The following KLRF1 variants were observed in gnomAD, a reference collection of about 807,000 sequenced individuals.
The protein encoded by KLRF1 is killer cell lectin-like receptor subfamily F member 1.
KLRF1 carries 27 observed loss-of-function variants against 30.7 expected under a neutral mutation model. That is an observed-to-expected ratio of 0.88 (90% confidence interval 0.65 to 1.21). KLRF1 has a LOEUF of 1.21. KLRF1 is among the 50% of genes most tolerant of loss of function. KLRF1 has a pLI of 0.00. For missense variants in KLRF1, 246 were observed against 259.3 expected, an observed-to-expected ratio of 0.95 and a Z score of 0.35; for synonymous variants, 92 against 89.3, an observed-to-expected ratio of 1.03 and a Z score of -0.17.
Position 9,837,729 on chromosome 12 carries a change from A to G in KLRF1, c.335-4083A>G, listed in dbSNP as rs1205647335. ...TTACAAACATCGTTTGGTAGCCTCA[A>G]GGCAGATATCTAAGTCTTCTTTACT... is the stretch of plus-strand genomic sequence containing the variant. On this transcript the variant is annotated intron_variant, in intron 3 of 5. Coordinates refer to ENST00000617889, the MANE Select transcript of KLRF1 (RefSeq NM_016523.3). 3.9e-5 allele frequency among the ~76,000 whole-genome samples: 6 copies of G among 152,182 alleles called. No individual in the cohort carries two copies. The South Asian group carries it at 8.3e-4, about 21-fold the overall frequency.
the KLRF1 span, among the ~76,000 whole-genome samples, chr12:9,814,155 C>G: frequency 6.6e-6 from 1 of 152,140 alleles, no homozygotes; most frequent in Non-Finnish European, 1.5e-5. Flanking sequence ...TGTTCTACAC[C>G]CCGGGGGAAT....
the KLRF1 span, among the ~76,000 whole-genome samples, chr12:9,807,135 GA>G: frequency 6.6e-6 from 1 of 151,854 alleles, no homozygotes; most frequent in African/African-American, 2.4e-5. Flanking sequence ...TAACTTATAA[GA>G]ATCTATTTGA....
the KLRF1 span, among the ~76,000 whole-genome samples, chr12:9,819,617 A>G: frequency 5.3e-5 from 8 of 152,036 alleles, no homozygotes; most frequent in Non-Finnish European, 8.8e-5. Flanking sequence ...CCACCTCCAC[A>G]AGTGTTTTTG....
chr12:9,840,932 C>T (rs1227165597), intron 3 of KLRF1, among the ~76,000 whole-genome samples: 2 of 152,064 alleles, frequency 1.3e-5, no homozygotes, highest in African/African-American at 2.4e-5. Flanking sequence ...CCTTCAACCC[C>T]GCAATCCCAT....
intron 2 of KLRF1, 21 bp from the exon 3 acceptor site, chr12:9,833,282 T>G: frequency 6.4e-7 from 1 of 1,554,412 alleles, no homozygotes; most frequent in Non-Finnish European, 8.7e-7. Flanking sequence ...TACCTAACCT[T>G]AAAATAGTCC....
At chr12:9,821,228 C>A in the KLRF1 span, among the ~76,000 whole-genome samples, 2 of 152,088 alleles carry the variant, frequency 1.3e-5, no homozygotes, top group East Asian at 1.9e-4. Context: ...CTCATGCCAG[C>A]AATGCAGCTG....
At chr12:9,814,533 C>T in the KLRF1 span, among the ~76,000 whole-genome samples, 3 of 152,326 alleles carry the variant, frequency 2.0e-5, no homozygotes, top group Non-Finnish European at 4.4e-5. Flanking sequence ...CCTGTCCCAC[C>T]CGTAGCTCCG....
intron 3 of KLRF1, among the ~76,000 whole-genome samples, chr12:9,836,582 T>C (rs1264285713): frequency 6.6e-6 from 1 of 152,168 alleles, no homozygotes; most frequent in Non-Finnish European, 1.5e-5. Context: ...TGAGATGATA[T>C]ATTATGACTT....
chr12:9,820,622 G>C, the KLRF1 span, among the ~76,000 whole-genome samples: 1 of 152,128 alleles, frequency 6.6e-6, no homozygotes, highest in African/African-American at 2.4e-5. Context: ...CCACACACAT[G>C]CTGGACCTCA....
the KLRF1 span, among the ~76,000 whole-genome samples, chr12:9,808,902 A>G: frequency 6.6e-6 from 1 of 152,172 alleles, no homozygotes; most frequent in East Asian, 1.9e-4. Flanking sequence ...ACATGAAAGC[A>G]GTGCTACCTC....
At chr12:9,832,980 G>A (rs1867476696) in intron 2 of KLRF1, among the ~76,000 whole-genome samples, 1 of 152,002 alleles carries the variant, frequency 6.6e-6, no homozygotes, top group South Asian at 2.1e-4. Flanking sequence ...CAGTGTTGGA[G>A]GCTGCAGAAA....
At chr12:9,836,343 C>T (rs1223834067) in intron 3 of KLRF1, among the ~76,000 whole-genome samples, 2 of 152,016 alleles carry the variant, frequency 1.3e-5, no homozygotes, top group Non-Finnish European at 2.9e-5. Context: ...CTTATAAATG[C>T]CCTACTCTTG....
chr12:9,840,529 G>A (rs2121234389), intron 3 of KLRF1, among the ~76,000 whole-genome samples: 1 of 151,952 alleles, frequency 6.6e-6, no homozygotes, highest in South Asian at 2.1e-4. Flanking sequence ...ATTAAGCTAG[G>A]AAAATCAAAG....
intron 1 of KLRF1, among the ~76,000 whole-genome samples, chr12:9,830,040 CAT>C (rs1229977163): frequency 6.6e-6 from 1 of 152,178 alleles, no homozygotes; most frequent in Non-Finnish European, 1.5e-5. Flanking sequence ...ATTTTTGACA[CAT>C]AGTTTTCTTA....
At chr12:9,820,292 G>T in the KLRF1 span, among the ~76,000 whole-genome samples, 2 of 152,198 alleles carry the variant, frequency 1.3e-5, no homozygotes, top group African/African-American at 4.8e-5. Flanking sequence ...GACTGGAGTG[G>T]ACTCCCAGAA....
intron 3 of KLRF1, among the ~76,000 whole-genome samples, chr12:9,839,297 C>A (rs77377338): frequency 0.015 from 2,280 of 152,130 alleles, 51 homozygotes; most frequent in African/African-American, 0.052. Context: ...CCATTCTGAT[C>A]ATCTGTTCTT....
upstream of KLRF1, among the ~76,000 whole-genome samples, chr12:9,823,714 A>C (rs1046249763): frequency 1.7e-5 from 2 of 120,666 alleles, no homozygotes; most frequent in African/African-American, 3.2e-5. Context: ...GGTTTTTTGG[A>C]AAAAAAAAAA....
chr12:9,841,673 G>A (rs771514308), intron 3 of KLRF1, 139 bp from the exon 4 acceptor site: 2 of 580,462 alleles, frequency 3.4e-6, no homozygotes, highest in East Asian at 6.5e-5. Flanking sequence ...GCCATCTTTT[G>A]TGTCTGGACA....
At chr12:9,810,596 T>C in the KLRF1 span, among the ~76,000 whole-genome samples, 1 of 152,332 alleles carries the variant, frequency 6.6e-6, no homozygotes, top group East Asian at 1.9e-4. Context: ...GATATTAAAA[T>C]GTGGTCATTC....
Sources: gnomAD v4.1 joint callset for allele counts (sites outside exome capture counted in the v4.1 genomes callset) on GRCh38, gnomAD v4.1.1 for gene constraint, MANE v1.5 for transcripts, NCBI Gene and HGNC (gene_info 2026-07-23, HGNC 2026-07-21) for gene names.